The following ITGB3BP variants were observed in gnomAD, a reference collection of about 807,000 sequenced individuals.
ITGB3BP encodes the protein centromere protein R.
A neutral mutation model predicts 29.1 loss-of-function variants in ITGB3BP; 27 were observed. That is an observed-to-expected ratio of 0.93 (90% CI 0.68 to 1.28). ITGB3BP has a LOEUF of 1.28. ITGB3BP is among the 50% of genes most tolerant of loss of function. The pLI is 0.00. For missense variants in ITGB3BP, 192 were observed against 200.2 expected, an observed-to-expected ratio of 0.96 and a Z score of 0.25; for synonymous variants, 61 against 61.4, an observed-to-expected ratio of 0.99 and a Z score of 0.03.
chr1:63,485,576 T>C (rs1343130826), intron 3 of ITGB3BP, among the ~76,000 whole-genome samples: 1 of 152,110 alleles, frequency 6.6e-6, no homozygotes, highest in African/African-American at 2.4e-5. Context: ...TTTTTCATCA[T>C]TGCTTTTTGC....
chr1:63,507,221 T>C (rs1646100329), intron 2 of ITGB3BP, among the ~76,000 whole-genome samples: 1 of 152,204 alleles, frequency 6.6e-6, no homozygotes, highest in African/African-American at 2.4e-5. Context: ...CTAAATCAAC[T>C]GGTACTACTA....
At chr1:63,501,854 C>G (rs1484458252) in intron 2 of ITGB3BP, among the ~76,000 whole-genome samples, 1 of 150,554 alleles carries the variant, frequency 6.6e-6, no homozygotes, top group Non-Finnish European at 1.5e-5. Flanking sequence ...AGAGTGAGGC[C>G]CTGTCTCGAA....
chr1:63,481,632 A>G (rs1441278990), intron 3 of ITGB3BP, among the ~76,000 whole-genome samples: 1 of 152,146 alleles, frequency 6.6e-6, no homozygotes, highest in Admixed American at 6.5e-5. Flanking sequence ...AACTACATTC[A>G]TAATTGTATT....
At chr1:63,483,955 A>G (rs1257945304) in intron 3 of ITGB3BP, among the ~76,000 whole-genome samples, 2 of 152,188 alleles carry the variant, frequency 1.3e-5, no homozygotes, top group Non-Finnish European at 2.9e-5. Context: ...TGTTCATACA[A>G]TGACAAAATC....
At chr1:63,500,168 A>G (rs1645890442) in intron 2 of ITGB3BP, among the ~76,000 whole-genome samples, 1 of 152,176 alleles carries the variant, frequency 6.6e-6, no homozygotes, top group Admixed American at 6.5e-5. Flanking sequence ...ACCTGAGGTC[A>G]GGAGTTCGAG....
At chr1:63,519,845 A>T (rs908033856) in intron 1 of ITGB3BP, among the ~76,000 whole-genome samples, 14 of 152,150 alleles carry the variant, frequency 9.2e-5, no homozygotes, top group Non-Finnish European at 1.9e-4. Flanking sequence ...GAAAAAATAT[A>T]GCACATTTTA....
chr1:63,503,251 T>C (rs2100746768), intron 2 of ITGB3BP, among the ~76,000 whole-genome samples: 1 of 152,326 alleles, frequency 6.6e-6, no homozygotes, highest in South Asian at 2.1e-4. Flanking sequence ...TGATTTGCAT[T>C]TCTCTGATGG....
chr1:63,465,988 T>C (rs1000173057), intron 4 of ITGB3BP, among the ~76,000 whole-genome samples: 1 of 152,178 alleles, frequency 6.6e-6, no homozygotes, highest in South Asian at 2.1e-4. Context: ...TGACCCAAGA[T>C]GTTTTTATCT....
chr1:63,461,083 C>CAAAAAAAA (rs35518465), intron 4 of ITGB3BP, among the ~76,000 whole-genome samples: 1 of 97,588 alleles, frequency 1.0e-5, no homozygotes, highest in Non-Finnish European at 1.9e-5. Context: ...ACTAAAACTA[C>CAAAAAAAA]AAAAAAAAAA....
chr1:63,507,635 A>T (rs1646109846), intron 2 of ITGB3BP, among the ~76,000 whole-genome samples: 1 of 152,196 alleles, frequency 6.6e-6, no homozygotes, highest in African/African-American at 2.4e-5. Flanking sequence ...TTATACTGTT[A>T]ATGATTTTTT....
intron 8 of ITGB3BP, among the ~76,000 whole-genome samples, chr1:63,441,772 T>C (rs1275397002): frequency 6.6e-6 from 1 of 152,224 alleles, no homozygotes; most frequent in Non-Finnish European, 1.5e-5. Flanking sequence ...GTATTTACTA[T>C]GACAGATTCC....
chr1:63,467,914 T>C (rs941069118), intron 4 of ITGB3BP, among the ~76,000 whole-genome samples: 1 of 152,196 alleles, frequency 6.6e-6, no homozygotes, highest in African/African-American at 2.4e-5. Context: ...AAGGTAAACA[T>C]ATTTATCTTT....
At chr1:63,510,995 C>T (rs1646188506) in intron 1 of ITGB3BP, among the ~76,000 whole-genome samples, 1 of 152,116 alleles carries the variant, frequency 6.6e-6, no homozygotes, top group African/African-American at 2.4e-5. Flanking sequence ...AATATTTACT[C>T]TTTTGTTACC....
intron 2 of ITGB3BP, among the ~76,000 whole-genome samples, chr1:63,495,068 C>T (rs942929490): frequency 2.0e-5 from 3 of 152,112 alleles, no homozygotes; most frequent in East Asian, 1.9e-4. Context: ...CAGCCTCCCC[C>T]AAAGCTGGGA....
chr1:63,456,063 T>C (rs929457768), intron 4 of ITGB3BP, among the ~76,000 whole-genome samples: 2 of 152,214 alleles, frequency 1.3e-5, no homozygotes, highest in African/African-American at 4.8e-5. Context: ...GGCTAGTGCG[T>C]ACTGTTTCAA....
intron 8 of ITGB3BP, among the ~76,000 whole-genome samples, chr1:63,445,895 T>A (rs944388923): frequency 2.0e-5 from 3 of 150,776 alleles, no homozygotes; most frequent in Non-Finnish European, 4.4e-5. Context: ...TAGCCCCTAA[T>A]GCCAGTTTTT....
chr1:63,496,535 G>A (rs565855512), intron 2 of ITGB3BP, among the ~76,000 whole-genome samples: 1 of 152,106 alleles, frequency 6.6e-6, no homozygotes, highest in African/African-American at 2.4e-5. Flanking sequence ...TTTAATCTAA[G>A]GTCCTTATTT....
intron 1 of ITGB3BP, among the ~76,000 whole-genome samples, chr1:63,522,241 T>C (rs554795604): frequency 6.6e-6 from 1 of 152,356 alleles, no homozygotes; most frequent in East Asian, 1.9e-4. Context: ...TCAATAAATA[T>C]AGGTTATCAT....
At chr1:63,467,677 T>C (rs1003449779) in intron 4 of ITGB3BP, among the ~76,000 whole-genome samples, 1 of 152,234 alleles carries the variant, frequency 6.6e-6, no homozygotes, top group African/African-American at 2.4e-5. Context: ...TCTAGTTTTA[T>C]AGACTCTATT....
Sources: gnomAD v4.1 joint callset for allele counts (sites outside exome capture counted in the v4.1 genomes callset) on GRCh38, gnomAD v4.1.1 for gene constraint, MANE v1.5 for transcripts, NCBI Gene and HGNC (gene_info 2026-07-23, HGNC 2026-07-21) for gene names.